PCDHGA3: variants seen among roughly 807,000 people sequenced by gnomAD.
PCDHGA3 encodes the protein protocadherin gamma-A3.
PCDHGA3 carries 40 observed loss-of-function variants against 58.5 expected under a neutral mutation model. The observed-to-expected ratio is 0.68, with a 90% CI of 0.53 to 0.89. The LOEUF (loss-of-function observed/expected upper bound fraction) is 0.89, where lower values mean the gene tolerates loss of function less well. Ranked by LOEUF, PCDHGA3 falls within the 40% of genes least tolerant of loss-of-function variation. The probability of loss-of-function intolerance (pLI) is 0.00; values close to 1 mark genes in which losing one functional copy is unlikely to be tolerated. For synonymous variants in PCDHGA3, 530 were observed against 525.7 expected (o/e 1.01, Z -0.11); for missense variants, 1,223 against 1,195.9 (o/e 1.02, Z -0.33).
intron 1 of PCDHGA3, among the ~76,000 whole-genome samples, chr5:141,387,115 T>C (rs2090824355): frequency 6.6e-6 from 1 of 152,224 alleles, no homozygotes. Context: ...AATATTCCTG[T>C]AATGAAATCA....
intron 1 of PCDHGA3, chr5:141,387,998 C>T: frequency 6.7e-7 from 1 of 1,485,204 alleles, no homozygotes; most frequent in South Asian, 1.3e-5. Flanking sequence ...ACAGGATTCC[C>T]GAGGAAATGC....
chr5:141,409,004 G>A, intron 1 of PCDHGA3: 3 of 1,614,004 alleles, frequency 1.9e-6, no homozygotes, highest in Non-Finnish European at 1.7e-6. Context: ...GACAGCCACT[G>A]ACCAGGATGA....
intron 1 of PCDHGA3, among the ~76,000 whole-genome samples, chr5:141,473,611 G>C (rs2099325261): frequency 6.6e-6 from 1 of 152,140 alleles, no homozygotes; most frequent in Non-Finnish European, 1.5e-5. Context: ...GCAAAGCAAA[G>C]GGAGGGAGGA....
chr5:141,409,405 C>G, intron 1 of PCDHGA3: 1 of 1,614,050 alleles, frequency 6.2e-7, no homozygotes, highest in Non-Finnish European at 8.5e-7. Flanking sequence ...CCAATAACTA[C>G]TACAAACTGG....
At chr5:141,464,278 G>GAAAA (rs2099080310) in intron 1 of PCDHGA3, among the ~76,000 whole-genome samples, 1 of 121,594 alleles carries the variant, frequency 8.2e-6, no homozygotes. Context: ...AAAAAAAAAA[G>GAAAA]CAAAAAAAAA....
chr5:141,509,709 T>C (rs1344120168), intron 3 of PCDHGA3, among the ~76,000 whole-genome samples: 1 of 152,200 alleles, frequency 6.6e-6, no homozygotes, highest in African/African-American at 2.4e-5. Context: ...CTGGAGGTGC[T>C]GTCTGATGTC....
chr5:141,389,957 G>A (rs2091985321), intron 1 of PCDHGA3: 2 of 1,614,080 alleles, frequency 1.2e-6, no homozygotes, highest in Non-Finnish European at 1.7e-6. Flanking sequence ...TTTACCTAGT[G>A]GTGGCCTTGG....
intron 1 of PCDHGA3, among the ~76,000 whole-genome samples, chr5:141,449,413 C>G (rs2098637966): frequency 6.6e-6 from 1 of 151,656 alleles, no homozygotes; most frequent in African/African-American, 2.4e-5. Flanking sequence ...TCAAGACCAG[C>G]CTGGCCAACA....
chr5:141,505,302 G>GTAC, intron 2 of PCDHGA3, 91 bp from the exon 3 acceptor site: 5 of 1,592,714 alleles, frequency 3.1e-6, no homozygotes, highest in Non-Finnish European at 4.3e-6. Context: ...TAGGGTTAGG[G>GTAC]TACTAGGTTT....
At chr5:141,439,622 TCC>T (rs1374759651) in intron 1 of PCDHGA3, among the ~76,000 whole-genome samples, 1 of 152,134 alleles carries the variant, frequency 6.6e-6, no homozygotes, top group Non-Finnish European at 1.5e-5. Context: ...AATGAGCCAA[TCC>T]CCAGACATTC....
At chr5:141,389,519 C>T in intron 1 of PCDHGA3, 1 of 1,613,156 alleles carries the variant, frequency 6.2e-7, no homozygotes, top group South Asian at 1.1e-5. Context: ...CGAACGTGAG[C>T]CTGCGCGTGT....
At position 141,389,543 on chromosome 5, in the gene PCDHGA3, C is replaced by A. The variant is rs550025687; in HGVS notation, c.2424+43086C>A. 5.6e-6 allele frequency: 9 copies of A among 1,613,282 alleles called. No individual in the cohort carries two copies. In the East Asian group the frequency reaches 6.7e-5, roughly 12 times the overall value. ...GCCTGCGCGTGTTAGTGGACGACCG[C>A]AACGACAATGCGCCACGGGTGCTGT... On this transcript the variant is annotated intron_variant, in intron 1 of 3. Transcript: ENST00000253812.
chr5:141,360,101 C>A lies in PCDHGA3; in HGVS notation c.2424+13644C>A. On this transcript the variant is annotated intron_variant, in intron 1 of 3. Coordinates refer to ENST00000253812, the MANE Select transcript of PCDHGA3 (RefSeq NM_018916.4). ...TTCTGCCATCCCCGGAAGGCTTATT[C>A]CTCCTATGGGCAAAGGAGCAAAGGG... 4.6e-6 allele frequency: 7 copies of A among 1,533,060 alleles called. No homozygotes were observed. The Middle Eastern group carries it at 5.4e-4, about 118-fold the overall frequency. The allele number at this position is 1,533,060 out of a possible 1,614,324, so 95.0% of individuals were successfully genotyped here.
rs1157645386 is a variant in PCDHGA3 at position 141,477,622 on chromosome 5, A to C, written c.2425-17185A>C. On this transcript the variant is annotated intron_variant, in intron 1 of 3. Coordinates refer to ENST00000253812, the MANE Select transcript of PCDHGA3 (RefSeq NM_018916.4). This position sits in a 1 kb window ranked among gnomAD's most constrained non-coding sequence, Gnocchi z 4.9. ...TCTTTCTCTTGGAGCAAGGAGCTGA[A>C]ACCGGGCTAGTGGGTCGCTATTTCA... 1 of 1,614,108 alleles carries C rather than the reference A, an allele frequency of 6.2e-7. No homozygotes were observed. The highest frequency in any genetic ancestry group is 2.2e-5 in the East Asian group (1 of 44,904).
rs758993148 is a variant in PCDHGA3 at position 141,430,863 on chromosome 5, T to C, written c.2425-63944T>C. On this transcript the variant is annotated intron_variant, in intron 1 of 3. Transcript: ENST00000253812. Reference sequence around the variant, plus strand: ...GGATGCACCCAGATACGCTATTCAGTTCCGGAAGAGCTGGAGAAAGGCTCT... The same window carrying C: ...GGATGCACCCAGATACGCTATTCAGCTCCGGAAGAGCTGGAGAAAGGCTCT... 8 of 1,594,990 alleles carry C rather than the reference T, an allele frequency of 5.0e-6. No individual in the cohort carries two copies. In the South Asian group the frequency reaches 8.0e-5, roughly 16 times the overall value.
intron 1 of PCDHGA3, among the ~76,000 whole-genome samples, chr5:141,456,857 G>A (rs957526443): frequency 6.6e-5 from 10 of 152,234 alleles, no homozygotes; most frequent in African/African-American, 2.4e-4. Context: ...CAGCTAATTG[G>A]GAGGCTGAGG....
intron 1 of PCDHGA3, among the ~76,000 whole-genome samples, chr5:141,469,484 A>AGAATCGCT (rs1279677032): frequency 6.6e-6 from 1 of 152,074 alleles, no homozygotes; most frequent in African/African-American, 2.4e-5. Flanking sequence ...CTGAGGCAGG[A>AGAATCGCT]GAATCGCTTG....
chr5:141,471,618 A>C (rs1421854064), intron 1 of PCDHGA3: 1 of 152,218 alleles, frequency 6.6e-6, no homozygotes, highest in Non-Finnish European at 1.5e-5. Context: ...TGGGAGTAGT[A>C]AGCATTGGTA....
intron 1 of PCDHGA3, chr5:141,374,343 C>A (rs753543776): frequency 6.2e-7 from 1 of 1,613,990 alleles, no homozygotes; most frequent in Admixed American, 1.7e-5. Flanking sequence ...TTGGTCACCG[C>A]GGGTAGGATA....
Sources: gnomAD v4.1 joint callset for allele counts (sites outside exome capture counted in the v4.1 genomes callset) on GRCh38, gnomAD v4.1.1 for gene constraint, Gnocchi (gnomAD v3.1) non-coding constraint, MANE v1.5 for transcripts, NCBI Gene and HGNC (gene_info 2026-07-23, HGNC 2026-07-21) for gene names.